Variants in RPS6KA3 observed in about 807,000 individuals in gnomAD.
RPS6KA3 encodes the protein ribosomal protein S6 kinase A3, also known as ribosomal protein S6 kinase alpha-3.
Under a neutral mutation model 67.2 loss-of-function variants are expected in RPS6KA3, and 4 were observed. The observed-to-expected ratio is 0.06, with a 90% CI of 0.03 to 0.14. The LOEUF (loss-of-function observed/expected upper bound fraction) is 0.14, where lower values mean the gene tolerates loss of function less well. Among genes scored for constraint, RPS6KA3 ranks in the 10% least tolerant of loss-of-function variants. The pLI, the probability that RPS6KA3 is intolerant of heterozygous loss-of-function variation, is 1.00. For synonymous variants in RPS6KA3, 182 were observed against 183.7 expected (o/e 0.99, Z 0.07); for missense variants, 204 against 559.0 (o/e 0.36, Z 6.40).
intron 20 of RPS6KA3, 25 bp downstream of exon 20, chrX:20,161,619 T>A (rs1944660724): frequency 1.2e-6 from 1 of 834,683 alleles, no homozygotes; most frequent in Non-Finnish European, 1.8e-6. Flanking sequence ...TTTCTCAAAA[T>A]CTTATAATAG....
At chrX:20,237,838 T>C (rs2069454572) in intron 1 of RPS6KA3, among the ~76,000 whole-genome samples, 2 of 111,543 alleles carry the variant, frequency 1.8e-5, no homozygotes, top group Non-Finnish European at 3.8e-5. Context: ...ATGTTTCAAC[T>C]CTTTCTACTC....
At chrX:20,266,910 T>C, upstream of RPS6KA3, 1 of 621,630 alleles carries the variant, frequency 1.6e-6, no homozygotes, top group Non-Finnish European at 1.9e-6. Flanking sequence ...GCCCCTTTCT[T>C]CCTCTCCTCC....
intron 2 of RPS6KA3, among the ~76,000 whole-genome samples, chrX:20,220,561 T>C (rs977886337): frequency 1.8e-5 from 2 of 111,228 alleles, no homozygotes; most frequent in Non-Finnish European, 3.8e-5. Context: ...AGGATATCTC[T>C]GTTAAGTAGC....
At chrX:20,247,791 GAA>G (rs754788820) in intron 1 of RPS6KA3, among the ~76,000 whole-genome samples, 5 of 39,465 alleles carry the variant, frequency 1.3e-4, no homozygotes, top group African/African-American at 3.2e-4. Context: ...CGTCTCAAAA[GAA>G]AAAAAAAAAA....
At chrX:20,181,754 CAGAG>C (rs1487776726) in intron 10 of RPS6KA3, among the ~76,000 whole-genome samples, 1 of 111,031 alleles carries the variant, frequency 9.0e-6, no homozygotes, top group East Asian at 2.8e-4. Context: ...CTGATAGCCA[CAGAG>C]AGAGCAGTTT....
chrX:20,255,125 T>C, intron 1 of RPS6KA3, among the ~76,000 whole-genome samples: 1 of 112,356 alleles, frequency 8.9e-6, no homozygotes. Flanking sequence ...AACTGTGGTA[T>C]ATCCATAAAA....
At chrX:20,218,931 C>T (rs901142496) in intron 2 of RPS6KA3, 1 of 720,300 alleles carries the variant, frequency 1.4e-6, no homozygotes, top group African/African-American at 2.1e-5. Flanking sequence ...TTTCTCCTAC[C>T]AGCTGTTCCG....
intron 3 of RPS6KA3, among the ~76,000 whole-genome samples, chrX:20,206,915 T>C (rs1318024984): frequency 1.8e-5 from 2 of 112,010 alleles, no homozygotes; most frequent in Non-Finnish European, 3.8e-5. Context: ...GCAGCCAATG[T>C]GACCAGAACA....
At position 20,188,485 on chromosome X, in the gene RPS6KA3, T is replaced by TC; in HGVS notation, c.631+11_631+12insG. 1 of 770,101 alleles carries TC rather than the reference T, an allele frequency of 1.3e-6. No homozygotes were observed. Among genetic ancestry groups the TC allele is most frequent in the Non-Finnish European group, 1.9e-6 (1 of 535,683 alleles). The allele number at this position is 770,101 out of a possible 1,213,427, so 63.5% of individuals were successfully genotyped here. ...AGAAAATATTTTAATAAAACGAGGA[T>TC]TTTTTTTTTACCTGTTAACTTGATG... On this transcript the variant is annotated intron_variant, in intron 8 of 21. Coordinates refer to ENST00000379565, the MANE Select transcript of RPS6KA3 (RefSeq NM_004586.3).
intron 2 of RPS6KA3, chrX:20,218,691 T>G: frequency 1.8e-6 from 1 of 565,616 alleles, no homozygotes. Context: ...GTTTTGAATT[T>G]TGAAAAGCTG....
At chrX:20,191,643 T>C (rs1253795573) in intron 7 of RPS6KA3, among the ~76,000 whole-genome samples, 3 of 74,862 alleles carry the variant, frequency 4.0e-5, no homozygotes, top group Non-Finnish European at 4.9e-5. Flanking sequence ...TTTTCTTTCA[T>C]ATGTTTGTTT....
chrX:20,196,719 T>C (rs1028880790), intron 4 of RPS6KA3, among the ~76,000 whole-genome samples: 9 of 112,106 alleles, frequency 8.0e-5, no homozygotes, highest in African/African-American at 2.9e-4. Context: ...AATCAATTGC[T>C]CTTGATGTCT....
At chrX:20,242,946 T>A (rs1414166604) in intron 1 of RPS6KA3, among the ~76,000 whole-genome samples, 1 of 111,226 alleles carries the variant, frequency 9.0e-6, no homozygotes, top group African/African-American at 3.3e-5. Flanking sequence ...CTGGTATGTG[T>A]TTGAAATGTT....
At chrX:20,250,184 G>T (rs1018710687) in intron 1 of RPS6KA3, among the ~76,000 whole-genome samples, 1 of 111,092 alleles carries the variant, frequency 9.0e-6, no homozygotes, top group African/African-American at 3.3e-5. Context: ...TCATTTGGAA[G>T]GGTTCCTCCC....
At chrX:20,196,808 C>T (rs1248191410) in intron 4 of RPS6KA3, among the ~76,000 whole-genome samples, 4 of 111,777 alleles carry the variant, frequency 3.6e-5, no homozygotes, top group Admixed American at 1.9e-4. Context: ...CTTGCCCGAT[C>T]GCTACAACTC....
At chrX:20,250,161 G>A (rs1284342552) in intron 1 of RPS6KA3, among the ~76,000 whole-genome samples, 1 of 111,446 alleles carries the variant, frequency 9.0e-6, no homozygotes, top group Non-Finnish European at 1.9e-5. Flanking sequence ...ACTGGATATA[G>A]TAAGTCTTAA....
At chrX:20,184,567 G>A (rs1248349080) in intron 10 of RPS6KA3, among the ~76,000 whole-genome samples, 1 of 107,963 alleles carries the variant, frequency 9.3e-6, no homozygotes, top group South Asian at 4.1e-4. Flanking sequence ...CACCACATCT[G>A]GCTAATTTTT....
chrX:20,215,367 C>A (rs1030607175), intron 2 of RPS6KA3, among the ~76,000 whole-genome samples: 1 of 110,904 alleles, frequency 9.0e-6, no homozygotes, highest in Non-Finnish European at 1.9e-5. Flanking sequence ...TCAGAGAGTA[C>A]GGAAAATACT....
intron 15 of RPS6KA3, 144 bp from the exon 16 acceptor site, chrX:20,169,635 G>T: frequency 1.9e-6 from 1 of 533,452 alleles, no homozygotes; most frequent in South Asian, 2.3e-5. Flanking sequence ...CAACTACCTG[G>T]CCAGATTGTT....
Sources: allele counts gnomAD v4.1 joint callset (sites outside exome capture counted in the v4.1 genomes callset), GRCh38; gene constraint gnomAD v4.1.1; transcripts MANE v1.5; gene names NCBI Gene and HGNC (gene_info 2026-07-23, HGNC 2026-07-21).